FARP1: variants seen among roughly 807,000 people sequenced by gnomAD.
The protein encoded by FARP1 is FERM, ARHGEF and pleckstrin domain-containing protein 1.
In FARP1, 52 loss-of-function variants were observed where a neutral mutation model predicts 128.8. The ratio of observed to expected loss-of-function variants is 0.40; its 90% CI spans 0.32 to 0.51. FARP1 has a LOEUF of 0.51. Ranked by LOEUF, FARP1 falls within the 20% of genes least tolerant of loss-of-function variation. The pLI is 0.45. For synonymous variants in FARP1, 580 were observed against 551.8 expected, an observed-to-expected ratio of 1.05 and a Z score of -0.72; for missense variants, 1,333 against 1,367.9, an observed-to-expected ratio of 0.97 and a Z score of 0.40.
At chr13:98,226,851 C>T (rs1320862237) in intron 2 of FARP1, among the ~76,000 whole-genome samples, 1 of 152,098 alleles carries the variant, frequency 6.6e-6, no homozygotes, top group Non-Finnish European at 1.5e-5. Context: ...CACTCTCCCA[C>T]CACCATTTCC....
At chr13:98,210,659 C>T (rs1372645736) in intron 1 of FARP1, among the ~76,000 whole-genome samples, 1 of 151,972 alleles carries the variant, frequency 6.6e-6, no homozygotes, top group African/African-American at 2.4e-5. Context: ...ACGCCATTCT[C>T]CTGCCTCAGC....
rs1893065160 is a variant in FARP1 at position 98,449,273 on chromosome 13, G to C, written c.*956G>C. ...ATTCCTATATCCTCCTGCAACTGTG[G>C]TTTGAAACTGCGCATTCTCTAGTAG... On this transcript the variant is annotated 3_prime_UTR_variant, in exon 27 of 27. Transcript: ENST00000319562. 6.6e-6 allele frequency: 1 copy of C among 152,202 alleles called. No homozygotes were observed. Among genetic ancestry groups the C allele is most frequent in the South Asian group, 2.1e-4 (1 of 4,834 alleles). 9.4% of individuals were successfully genotyped at this position (152,202 alleles called of 1,614,324 possible).
chr13:98,438,971 G>A, intron 20 of FARP1, 99 bp downstream of exon 20: 3 of 1,449,526 alleles, frequency 2.1e-6, no homozygotes, highest in South Asian at 1.2e-5. Context: ...GGGACCTGGG[G>A]TAGAGGAAGA....
At chr13:98,287,374 C>T (rs574001648) in intron 2 of FARP1, among the ~76,000 whole-genome samples, 12 of 151,642 alleles carry the variant, frequency 7.9e-5, no homozygotes, top group Admixed American at 1.3e-4. Context: ...GGACTACAGG[C>T]GCCCGCCACC....
intron 2 of FARP1, among the ~76,000 whole-genome samples, chr13:98,275,537 C>T (rs11620245): frequency 0.3 from 45,316 of 151,298 alleles, 7,128 homozygotes; most frequent in South Asian, 0.49. Flanking sequence ...ATCTGACAAG[C>T]TTCTAGGGAG....
Position 98,180,827 on chromosome 13 carries a change from G to C in FARP1, c.-23-32393G>C, listed in dbSNP as rs576395611. ...GTTGAATGAGGAATGGTAGTGGGCT[G>C]TCTTCACTTGATAAGTATTTTCCCC... On this transcript the variant is annotated intron_variant, in intron 1 of 26. Transcript: ENST00000319562. Among the ~76,000 whole-genome samples the C allele has an allele frequency of 3.9e-5, 6 of 152,270 alleles. No individual in the cohort carries two copies. The South Asian group carries it at 1.0e-3, about 26-fold the overall frequency.
intron 10 of FARP1, 127 bp downstream of exon 10, chr13:98,390,247 C>CG: frequency 9.9e-7 from 1 of 1,009,378 alleles, no homozygotes; most frequent in South Asian, 1.6e-5. Context: ...TATGGCCAAG[C>CG]GGGGGCGCTT....
chr13:98,452,514 AG>A lies in FARP1; in HGVS notation c.*4201del, dbSNP rs1306791905. On this transcript the variant is annotated 3_prime_UTR_variant, in exon 27 of 27. Coordinates refer to ENST00000319562, the MANE Select transcript of FARP1 (RefSeq NM_005766.4). ...TACAAATAGGAGTGTTCTGTAAGAG[AG>A]GGGCATTAATTATTAATGACAAACC... 1 of 152,650 alleles carries A rather than the reference AG, an allele frequency of 6.6e-6. No homozygotes were observed. The highest frequency in any genetic ancestry group is 1.9e-4 in the East Asian group (1 of 5,202). The allele number at this position is 152,650 out of a possible 1,614,324, so 9.5% of individuals were successfully genotyped here.
chr13:98,446,612 C>A (rs979368464), intron 25 of FARP1, 54 bp from the exon 26 acceptor site: 6 of 1,589,752 alleles, frequency 3.8e-6, no homozygotes, highest in Admixed American at 3.4e-5. Flanking sequence ...GCAGCCAGGC[C>A]CAGCAGCAGA....
At chr13:98,295,045 TTAC>T (rs1885607251) in intron 2 of FARP1, among the ~76,000 whole-genome samples, 2 of 105,734 alleles carry the variant, frequency 1.9e-5, no homozygotes, top group Non-Finnish European at 3.8e-5. Context: ...TATATATATA[TTAC>T]ACACACACAC....
At chr13:98,312,052 G>A (rs1886485013) in intron 2 of FARP1, among the ~76,000 whole-genome samples, 2 of 149,676 alleles carry the variant, frequency 1.3e-5, no homozygotes, top group South Asian at 4.2e-4. Flanking sequence ...TCACCATGTT[G>A]GCCAGGCTGG....
chr13:98,358,306 C>T (rs1201150339), intron 3 of FARP1, among the ~76,000 whole-genome samples: 4 of 152,110 alleles, frequency 2.6e-5, no homozygotes, highest in Admixed American at 6.6e-5. Flanking sequence ...CTCAAGGCAG[C>T]AGGCTGGGGC....
intron 2 of FARP1, among the ~76,000 whole-genome samples, chr13:98,294,792 G>A (rs532810883): frequency 1.9e-4 from 29 of 152,132 alleles, no homozygotes; most frequent in African/African-American, 6.7e-4. Flanking sequence ...TGAGGCAGGC[G>A]GATCACCTGA....
intron 3 of FARP1, among the ~76,000 whole-genome samples, chr13:98,359,911 T>C (rs1566915595): frequency 1.3e-5 from 2 of 151,950 alleles, no homozygotes; most frequent in South Asian, 4.2e-4. Context: ...ACAAATCGGA[T>C]TGGAGGAAAG....
intron 16 of FARP1, among the ~76,000 whole-genome samples, chr13:98,417,455 G>GGGAAAA (rs1491453247): frequency 4.6e-4 from 27 of 58,480 alleles, no homozygotes; most frequent in South Asian, 3.9e-3. Context: ...CCAGAGGTTT[G>GGGAAAA]AAAAAAAAAA....
chr13:98,245,965 C>T (rs554762231), intron 2 of FARP1, among the ~76,000 whole-genome samples: 3 of 151,648 alleles, frequency 2.0e-5, no homozygotes, highest in Non-Finnish European at 2.9e-5. Context: ...TTAGTAGAGA[C>T]GAGGTTTCAC....
intron 5 of FARP1, among the ~76,000 whole-genome samples, chr13:98,375,251 A>C (rs1430960574): frequency 6.6e-6 from 1 of 152,174 alleles, no homozygotes. Context: ...GCCCTATGTG[A>C]CTGTCCAGTC....
At chr13:98,183,979 C>A (rs1262859646) in intron 1 of FARP1, among the ~76,000 whole-genome samples, 1 of 152,136 alleles carries the variant, frequency 6.6e-6, no homozygotes, top group Non-Finnish European at 1.5e-5. Context: ...CCTTGTTAAT[C>A]CAGGCCAGGT....
rs908401990 is a variant in FARP1, at chr13:98,384,151, G to A, written c.497-579G>A. 4 of 149,378 alleles carry A rather than the reference G, an allele frequency of 2.7e-5. No homozygotes were observed. The Admixed American group carries it at 2.7e-4, about 10-fold the overall frequency. 9.3% of individuals were successfully genotyped at this position (149,378 alleles called of 1,614,324 possible). On this transcript the variant is annotated intron_variant, in intron 6 of 26. Coordinates refer to ENST00000319562, the MANE Select transcript of FARP1 (RefSeq NM_005766.4). ...GATGGGGAGAAAAGAAAAACCGGGA[G>A]CAGGTATGGCTGAAGATGGATGATT...
Sources: allele counts gnomAD v4.1 joint callset (sites outside exome capture counted in the v4.1 genomes callset), GRCh38; gene constraint gnomAD v4.1.1; transcripts MANE v1.5; gene names NCBI Gene and HGNC (gene_info 2026-07-23, HGNC 2026-07-21).